The following TRDMT1 variants were observed in gnomAD, a reference collection of about 807,000 sequenced individuals.
TRDMT1 encodes the protein tRNA (cytosine(38)-C(5))-methyltransferase.
In TRDMT1, 49 loss-of-function variants were observed where a neutral mutation model predicts 51.2. The ratio of observed to expected loss-of-function variants is 0.96; its 90% CI spans 0.76 to 1.21. The LOEUF is 1.21. Among genes scored for constraint, TRDMT1 ranks in the 50% most tolerant of loss-of-function variants. The pLI, the probability that TRDMT1 is intolerant of heterozygous loss-of-function variation, is 0.00. For missense variants in TRDMT1, 534 were observed against 462.3 expected (o/e 1.16, Z -1.42); for synonymous variants, 187 against 164.6 (o/e 1.14, Z -1.04).
intron 1 of TRDMT1, among the ~76,000 whole-genome samples, chr10:17,188,744 T>C (rs1001883789): frequency 6.6e-6 from 1 of 152,166 alleles, no homozygotes; most frequent in African/African-American, 2.4e-5. Context: ...CAGAGTTACT[T>C]GAGAACTAGC....
chr10:17,164,036 G>C (rs949286783), intron 3 of TRDMT1, among the ~76,000 whole-genome samples: 8 of 152,134 alleles, frequency 5.3e-5, no homozygotes, highest in Admixed American at 2.6e-4. Flanking sequence ...GCATCATCCT[G>C]ATACCAAAGC....
At chr10:17,174,828 A>C (rs1321179818) in intron 1 of TRDMT1, among the ~76,000 whole-genome samples, 168 bp from the exon 2 acceptor site, 1 of 152,214 alleles carries the variant, frequency 6.6e-6, no homozygotes, top group Non-Finnish European at 1.5e-5. Context: ...ATGAAGTGAA[A>C]TATTTGAACA....
intron 3 of TRDMT1, among the ~76,000 whole-genome samples, chr10:17,165,594 G>A (rs1467118063): frequency 6.6e-6 from 1 of 152,066 alleles, no homozygotes; most frequent in Non-Finnish European, 1.5e-5. Flanking sequence ...CCTACAGAAT[G>A]GGAGAAAATT....
At chr10:17,165,389 A>C (rs1362091918) in intron 3 of TRDMT1, among the ~76,000 whole-genome samples, 1 of 152,232 alleles carries the variant, frequency 6.6e-6, no homozygotes, top group African/African-American at 2.4e-5. Flanking sequence ...TTAAAGACTT[A>C]AATGTTAGAC....
rs112416977 is a variant in TRDMT1, at chr10:17,162,246, G to GT, written c.252-10dup. On this transcript the variant is annotated splice_polypyrimidine_tract_variant and intron_variant, in intron 3 of 10. Coordinates refer to ENST00000377799, the MANE Select transcript of TRDMT1 (RefSeq NM_004412.7). The stretch of plus-strand genomic sequence containing the variant: ...CACCCTGCCGGCCAATCCTAAAGGG[G>GT]TAAAAAAAAAAAAAAACAAAAAAAA... The GT allele has an allele frequency of 4.3e-4, 613 of 1,419,952 alleles. 2 individuals carry two copies. Among genetic ancestry groups the GT allele is most frequent in the African/African-American group, 1.7e-3 (78 of 46,070 alleles). The allele number at this position is 1,419,952 out of a possible 1,614,324, so 88.0% of individuals were successfully genotyped here.
At chr10:17,181,994 G>A (rs376008866) in intron 1 of TRDMT1, among the ~76,000 whole-genome samples, 23 of 152,138 alleles carry the variant, frequency 1.5e-4, no homozygotes, top group Admixed American at 9.8e-4. Context: ...TAGAAGCCTC[G>A]GTCAAGTGCC....
At chr10:17,157,197 G>A (rs1193493824) in intron 8 of TRDMT1, among the ~76,000 whole-genome samples, 1 of 152,100 alleles carries the variant, frequency 6.6e-6, no homozygotes, top group Non-Finnish European at 1.5e-5. Flanking sequence ...CTCCTATGAA[G>A]GTCACCAAAC....
intron 2 of TRDMT1, chr10:17,171,611 GACA>G (rs760689466): frequency 1.3e-4 from 20 of 152,244 alleles, no homozygotes; most frequent in Admixed American, 9.2e-4. Context: ...CTGAGACCCT[GACA>G]ACAACACTGA....
chr10:17,159,406 T>G (rs1343702455), intron 6 of TRDMT1, among the ~76,000 whole-genome samples, 177 bp from the exon 7 acceptor site: 16 of 152,196 alleles, frequency 1.1e-4, no homozygotes. Flanking sequence ...TTTAAACTAT[T>G]AAGTTGCTAC....
chr10:17,149,905 C>CT, intron 10 of TRDMT1, among the ~76,000 whole-genome samples: 1 of 152,156 alleles, frequency 6.6e-6, no homozygotes, highest in South Asian at 2.1e-4. Flanking sequence ...TGGATTGTAT[C>CT]TACTTTTTTG....
chr10:17,194,430 G>A (rs1468721935), intron 1 of TRDMT1, among the ~76,000 whole-genome samples: 1 of 151,990 alleles, frequency 6.6e-6, no homozygotes, highest in Non-Finnish European at 1.5e-5. Flanking sequence ...CTAGTATCCA[G>A]AATCTAAAAG....
At chr10:17,201,471 G>GTCCGCCCCACAGTA in intron 1 of TRDMT1, 100 bp downstream of exon 1, 2 of 1,308,130 alleles carry the variant, frequency 1.5e-6, no homozygotes, top group Non-Finnish European at 2.1e-6. Flanking sequence ...GCCCCACAGT[G>GTCCGCCCCACAGTA]TCCGCCCCTT....
intron 1 of TRDMT1, among the ~76,000 whole-genome samples, chr10:17,196,393 T>C (rs1845433552): frequency 6.6e-6 from 1 of 152,198 alleles, no homozygotes; most frequent in Non-Finnish European, 1.5e-5. Flanking sequence ...TAAACCACAC[T>C]TTACTCTTCT....
intron 1 of TRDMT1, among the ~76,000 whole-genome samples, chr10:17,199,363 T>C (rs1195606966): frequency 6.6e-6 from 1 of 151,922 alleles, no homozygotes; most frequent in Non-Finnish European, 1.5e-5. Flanking sequence ...AGACATGAAA[T>C]GTGAACCGAA....
chr10:17,161,614 C>T, intron 4 of TRDMT1, 66 bp from the exon 5 acceptor site: 2 of 847,652 alleles, frequency 2.4e-6, no homozygotes, highest in Non-Finnish European at 3.3e-6. Context: ...TAAAGAAAAT[C>T]ATTACTTGTG....
In TRDMT1 at chr10:17,145,443, G is replaced by A. The variant is rs905090652; in HGVS notation, c.*3597C>T. 8 of 985,210 alleles carry A rather than the reference G, an allele frequency of 8.1e-6. No individual in the cohort carries two copies. Among genetic ancestry groups the A allele is most frequent in the Non-Finnish European group, 8.4e-6 (7 of 829,944 alleles). 61.0% of individuals were successfully genotyped at this position (985,210 alleles called of 1,614,324 possible). On this transcript the variant is annotated 3_prime_UTR_variant, in exon 11 of 11. Coordinates refer to ENST00000377799, the MANE Select transcript of TRDMT1 (RefSeq NM_004412.7). Reference sequence around the variant, plus strand: ...ATTAACTAGTAGACAGAGGTCCAAAGGCCATGTCTTTAAAAATTATATAAT... The same window carrying A: ...ATTAACTAGTAGACAGAGGTCCAAAAGCCATGTCTTTAAAAATTATATAAT...
rs1838349572 is a variant in TRDMT1 at position 17,148,971 on chromosome 10, C to T, written c.*69G>A. ...AAATTTCACCAGAATTAGTTCAAAACAGAATTTCAGAATTACTCTCTGAAA... is the reference window on the plus strand; with the variant it reads ...AAATTTCACCAGAATTAGTTCAAAATAGAATTTCAGAATTACTCTCTGAAA... On this transcript the variant is annotated 3_prime_UTR_variant, in exon 11 of 11. Transcript: ENST00000377799. 2 of 1,454,436 alleles carry T rather than the reference C, an allele frequency of 1.4e-6. No individual in the cohort carries two copies. Among genetic ancestry groups the T allele is most frequent in the East Asian group, 2.5e-5 (1 of 39,798 alleles). The allele number at this position is 1,454,436 out of a possible 1,614,324, so 90.1% of individuals were successfully genotyped here.
chr10:17,163,722 C>G (rs1305692575), intron 3 of TRDMT1, among the ~76,000 whole-genome samples: 18 of 152,198 alleles, frequency 1.2e-4, no homozygotes, highest in East Asian at 1.9e-4. Context: ...ACTACCATCA[C>G]AGAATACTAT....
intron 2 of TRDMT1, among the ~76,000 whole-genome samples, chr10:17,172,515 T>C (rs1842159523): frequency 1.3e-5 from 2 of 151,432 alleles, no homozygotes; most frequent in African/African-American, 4.9e-5. Flanking sequence ...AAAAAATGAG[T>C]AAAAATTATA....
Sources: allele counts gnomAD v4.1 joint callset (sites outside exome capture counted in the v4.1 genomes callset), GRCh38; gene constraint gnomAD v4.1.1; transcripts MANE v1.5; gene names NCBI Gene and HGNC (gene_info 2026-07-23, HGNC 2026-07-21).